Variants in DENND1A observed in about 807,000 individuals in gnomAD.
DENND1A encodes the protein DENN domain-containing protein 1A.
DENND1A carries 51 observed loss-of-function variants against 113.7 expected under a neutral mutation model. That is an observed-to-expected ratio of 0.45 (90% CI 0.36 to 0.57). DENND1A has a LOEUF of 0.57. Among genes scored for constraint, DENND1A ranks in the 20% least tolerant of loss-of-function variants. The pLI, the probability that DENND1A is intolerant of heterozygous loss-of-function variation, is 0.00. For synonymous variants in DENND1A, 565 were observed against 570.8 expected (o/e 0.99, Z 0.14); for missense variants, 1,258 against 1,395.9 (o/e 0.90, Z 1.57).
intron 13 of DENND1A, among the ~76,000 whole-genome samples, chr9:123,500,251 A>T (rs1191859644): frequency 6.6e-6 from 1 of 152,214 alleles, no homozygotes; most frequent in South Asian, 2.1e-4. Flanking sequence ...ATGAACAAAC[A>T]CTTGTAAATG....
At chr9:123,808,531 C>T (rs974851969) in intron 2 of DENND1A, among the ~76,000 whole-genome samples, 1 of 151,976 alleles carries the variant, frequency 6.6e-6, no homozygotes, top group African/African-American at 2.4e-5. Flanking sequence ...CAGGCAAACG[C>T]CACTATGCCT....
chr9:123,713,582 T>C (rs971221886), intron 5 of DENND1A, among the ~76,000 whole-genome samples: 24 of 152,314 alleles, frequency 1.6e-4, no homozygotes, highest in African/African-American at 5.8e-4. Context: ...CACGGGACTT[T>C]GGGCTTTTCA....
chr9:123,873,369 C>A (rs907103157), intron 2 of DENND1A, among the ~76,000 whole-genome samples: 2 of 152,132 alleles, frequency 1.3e-5, no homozygotes, highest in African/African-American at 2.4e-5. Context: ...CATGCCCTTC[C>A]ACAGATGTCA....
rs2047994744 is a variant in DENND1A, at chr9:123,454,832, G to A, written c.1187-53C>T. On this transcript the variant is annotated intron_variant, in intron 15 of 23. Transcript: ENST00000394215. Reference sequence around the variant, plus strand: ...TCACTTAAAGAGGTGATTTGTCCTTGGGAGTCCTTAAAATTGCTTTTTTTT... The same window carrying A: ...TCACTTAAAGAGGTGATTTGTCCTTAGGAGTCCTTAAAATTGCTTTTTTTT... The A allele has an allele frequency of 5.3e-6, 8 of 1,512,912 alleles. No homozygotes were observed. In the Admixed American group the frequency reaches 1.1e-4, roughly 20 times the overall value. The allele number at this position is 1,512,912 out of a possible 1,614,324, so 93.7% of individuals were successfully genotyped here.
At chr9:123,891,276 T>C (rs1849858843) in intron 1 of DENND1A, among the ~76,000 whole-genome samples, 1 of 152,172 alleles carries the variant, frequency 6.6e-6, no homozygotes, top group South Asian at 2.1e-4. Flanking sequence ...ACTGCTCCAT[T>C]TGGACCTTAG....
intron 13 of DENND1A, among the ~76,000 whole-genome samples, chr9:123,472,439 C>T (rs941167889): frequency 6.6e-6 from 1 of 152,188 alleles, no homozygotes; most frequent in Non-Finnish European, 1.5e-5. Flanking sequence ...GCTGGTTCCC[C>T]TCTTCCTCAT....
chr9:123,893,925 G>A (rs1850315999), intron 1 of DENND1A, among the ~76,000 whole-genome samples: 1 of 152,162 alleles, frequency 6.6e-6, no homozygotes, highest in Non-Finnish European at 1.5e-5. Flanking sequence ...CTGAATGAAT[G>A]GAAAGTGAAT....
intron 9 of DENND1A, among the ~76,000 whole-genome samples, chr9:123,631,514 G>A (rs868085606): frequency 1.5e-4 from 23 of 152,192 alleles, no homozygotes; most frequent in African/African-American, 5.5e-4. Flanking sequence ...TGGGCAAAGA[G>A]AAGGTCTAAA....
intron 5 of DENND1A, among the ~76,000 whole-genome samples, chr9:123,698,439 T>A (rs569704115): frequency 6.6e-6 from 1 of 152,202 alleles, no homozygotes; most frequent in Admixed American, 6.5e-5. Flanking sequence ...TCAACAGATA[T>A]GATTTTGCTC....
At chr9:123,485,656 G>GCGCGCGCGCGCACA (rs765633751) in intron 13 of DENND1A, 3 of 141,156 alleles carry the variant, frequency 2.1e-5, no homozygotes, top group Non-Finnish European at 3.0e-5. Flanking sequence ...GCGCGCGCGC[G>GCGCGCGCGCGCACA]CACACACACA....
chr9:123,906,467 T>G (rs1489075556), intron 1 of DENND1A, among the ~76,000 whole-genome samples: 1 of 81,296 alleles, frequency 1.2e-5, no homozygotes, highest in Non-Finnish European at 2.1e-5. Context: ...CTAGCAAGAC[T>G]AATAAAGAAA....
chr9:123,784,158 C>T (rs1342041546), intron 3 of DENND1A, among the ~76,000 whole-genome samples: 3 of 152,084 alleles, frequency 2.0e-5, no homozygotes, highest in Admixed American at 6.6e-5. Context: ...TAAGGGGAGG[C>T]GGCAGGAGAC....
chr9:123,498,447 G>A (rs1244172810), intron 13 of DENND1A, among the ~76,000 whole-genome samples: 2 of 152,258 alleles, frequency 1.3e-5, no homozygotes, highest in Non-Finnish European at 1.5e-5. Flanking sequence ...AACATCAGCA[G>A]AGCGCTGGTC....
intron 12 of DENND1A, among the ~76,000 whole-genome samples, chr9:123,561,687 T>C (rs2057766218): frequency 6.6e-6 from 1 of 152,094 alleles, no homozygotes; most frequent in Non-Finnish European, 1.5e-5. Context: ...TGAGGATGGC[T>C]TCCTCCTTTA....
intron 13 of DENND1A, among the ~76,000 whole-genome samples, chr9:123,508,946 C>G (rs1470847480): frequency 6.6e-6 from 1 of 151,992 alleles, no homozygotes; most frequent in Non-Finnish European, 1.5e-5. Context: ...TATTTAAATA[C>G]AAAATAAAAT....
chr9:123,663,441 A>G (rs766473263), intron 8 of DENND1A, among the ~76,000 whole-genome samples: 3 of 152,206 alleles, frequency 2.0e-5, no homozygotes, highest in Non-Finnish European at 2.9e-5. Context: ...CACCGCCATA[A>G]AAGAGTGACC....
At chr9:123,783,053 T>C (rs1017721706) in intron 3 of DENND1A, among the ~76,000 whole-genome samples, 6 of 152,150 alleles carry the variant, frequency 3.9e-5, no homozygotes, top group Admixed American at 2.6e-4. Flanking sequence ...TACAAAATAC[T>C]ACACACAACC....
chr9:123,677,904 T>C (rs764375845), intron 5 of DENND1A, among the ~76,000 whole-genome samples: 6 of 152,170 alleles, frequency 3.9e-5, no homozygotes, highest in Admixed American at 2.0e-4. Context: ...TACTTCCTCA[T>C]AGATATGCTC....
intron 13 of DENND1A, chr9:123,485,644 A>ACGCACGCG (rs1554837405): frequency 4.7e-5 from 3 of 64,468 alleles, no homozygotes; most frequent in African/African-American, 1.4e-4. Flanking sequence ...GCGTACACAC[A>ACGCACGCG]CGCGCGCGCG....
Sources: gnomAD v4.1 joint callset for allele counts (sites outside exome capture counted in the v4.1 genomes callset) on GRCh38, gnomAD v4.1.1 for gene constraint, MANE v1.5 for transcripts, NCBI Gene and HGNC (gene_info 2026-07-23, HGNC 2026-07-21) for gene names.